The following SPEF2 variants were observed in gnomAD, a reference collection of about 807,000 sequenced individuals.
The protein encoded by SPEF2 is sperm flagellar and cilia associated 2, also known as sperm flagella and cilia-associated protein 2.
In SPEF2, 187 loss-of-function variants were observed where a neutral mutation model predicts 224.6. That is an observed-to-expected ratio of 0.83 (90% CI 0.74 to 0.94). SPEF2 has a LOEUF of 0.94. Ranked by LOEUF, SPEF2 falls within the 40% of genes least tolerant of loss-of-function variation. The pLI, the probability that SPEF2 is intolerant of heterozygous loss-of-function variation, is 0.00. For missense variants in SPEF2, 2,170 were observed against 2,135.6 expected (o/e 1.02, Z -0.32); for synonymous variants, 715 against 707.3 (o/e 1.01, Z -0.17).
At chr5:35,673,844 CAT>C (rs371321625) in intron 10 of SPEF2, among the ~76,000 whole-genome samples, 202 of 152,304 alleles carry the variant, frequency 1.3e-3, no homozygotes, top group African/African-American at 4.6e-3. Context: ...TATGGTTTAA[CAT>C]GTGTACGCCT....
chr5:35,769,611 G>A (rs1211993183), intron 26 of SPEF2, among the ~76,000 whole-genome samples: 1 of 152,156 alleles, frequency 6.6e-6, no homozygotes, highest in African/African-American at 2.4e-5. Context: ...TCAAAGCTGT[G>A]AAGAATACAA....
Position 35,806,009 on chromosome 5 carries a change from G to A in SPEF2, c.5011-698G>A, listed in dbSNP as rs566336189. On this transcript the variant is annotated intron_variant, in intron 34 of 36. Transcript: ENST00000356031. ...ACTGAATGAACAGCCATATACAAAC[G>A]TATTTGGGCAAATGAATATTTCTTC... Among the ~76,000 whole-genome samples, 5 of 152,202 alleles carry A rather than the reference G, an allele frequency of 3.3e-5. No individual in the cohort carries two copies. In the East Asian group the frequency reaches 9.6e-4, roughly 29 times the overall value.
chr5:35,663,009 A>G (rs992998466), intron 8 of SPEF2, among the ~76,000 whole-genome samples: 1 of 152,138 alleles, frequency 6.6e-6, no homozygotes, highest in African/African-American at 2.4e-5. Flanking sequence ...TAATATTTGT[A>G]TTACTTATTT....
chr5:35,766,232 G>A (rs1467856434), intron 26 of SPEF2, among the ~76,000 whole-genome samples: 1 of 152,032 alleles, frequency 6.6e-6, no homozygotes, highest in Non-Finnish European at 1.5e-5. Flanking sequence ...ATGTTTGGTA[G>A]CATTCACTAA....
At position 35,691,174 on chromosome 5, in the gene SPEF2, A is replaced by G. The variant is rs759282562; in HGVS notation, c.1662A>G (p.Glu554=). The G allele has an allele frequency of 5.6e-6, 9 of 1,613,942 alleles. No individual in the cohort carries two copies. Among genetic ancestry groups the G allele is most frequent in the Non-Finnish European group, 7.6e-6 (9 of 1,179,996 alleles). ...CTCGAGCGGAATCAACAACACCTGAATTACCTTCATTTGCTGTTAAAGGAT... is the reference window on the plus strand; with the variant it reads ...CTCGAGCGGAATCAACAACACCTGAGTTACCTTCATTTGCTGTTAAAGGAT... ...LPPRAESTTP[E]LPSFAVKGCL... Residue 554 remains glutamate, a synonymous_variant, in exon 11 of 37, where the codon GAA becomes GAG. Transcript: ENST00000356031.
intron 20 of SPEF2, among the ~76,000 whole-genome samples, chr5:35,726,912 G>A (rs986421674): frequency 2.0e-5 from 3 of 152,136 alleles, no homozygotes; most frequent in Non-Finnish European, 4.4e-5. Flanking sequence ...ATCAGGGAAA[G>A]TGAAGTGAAT....
chr5:35,656,610 T>A (rs1748986610), intron 7 of SPEF2, among the ~76,000 whole-genome samples: 1 of 152,118 alleles, frequency 6.6e-6, no homozygotes, highest in Non-Finnish European at 1.5e-5. Context: ...GGCTGCAAGG[T>A]TTTTTCTCAC....
At chr5:35,652,204 GT>G (rs1184616274) in intron 6 of SPEF2, among the ~76,000 whole-genome samples, 4 of 151,832 alleles carry the variant, frequency 2.6e-5, no homozygotes, top group Non-Finnish European at 5.9e-5. Flanking sequence ...ATAATGTGTA[GT>G]TTTTTTTCAC....
intron 2 of SPEF2, 22 bp downstream of exon 2, chr5:35,628,584 T>G (rs771774893): frequency 1.0e-5 from 15 of 1,467,492 alleles, no homozygotes. Context: ...TATTCCTTTT[T>G]GTTGTTGTTG....
Position 35,688,452 on chromosome 5 carries a change from T to A in SPEF2, c.1525-2585T>A, listed in dbSNP as rs1308185507. Among the ~76,000 whole-genome samples the A allele has an allele frequency of 2.6e-5, 4 of 152,240 alleles. No individual in the cohort carries two copies. In the East Asian group the frequency reaches 7.7e-4, roughly 29 times the overall value. On this transcript the variant is annotated intron_variant, in intron 10 of 36. Coordinates refer to ENST00000356031, the MANE Select transcript of SPEF2 (RefSeq NM_024867.4). ...TGTTTTATTTTGTTTATTTTTCTTG[T>A]ATTTTTCAAATCAGAAATAAATGTT...
intron 30 of SPEF2, chr5:35,790,421 A>G (rs1449712693): frequency 1.1e-5 from 5 of 437,560 alleles, no homozygotes; most frequent in Non-Finnish European, 2.0e-5. Flanking sequence ...GCTCTTTTGC[A>G]TAGTAAAAAA....
At chr5:35,748,100 G>A (rs186689162) in intron 23 of SPEF2, among the ~76,000 whole-genome samples, 6 of 152,114 alleles carry the variant, frequency 3.9e-5, no homozygotes, top group East Asian at 1.9e-4. Flanking sequence ...GATCAAAAAC[G>A]AAATCAAGAT....
intron 5 of SPEF2, among the ~76,000 whole-genome samples, chr5:35,647,384 C>G (rs1343621248): frequency 1.3e-5 from 2 of 151,764 alleles, no homozygotes; most frequent in East Asian, 1.9e-4. Context: ...ACAACCAGCT[C>G]TCATGGGAAT....
intron 7 of SPEF2, among the ~76,000 whole-genome samples, chr5:35,656,835 G>C (rs1042265827): frequency 2.0e-5 from 3 of 152,198 alleles, no homozygotes; most frequent in African/African-American, 7.2e-5. Context: ...ACCTCATCTT[G>C]TGCTGCTGCT....
intron 30 of SPEF2, among the ~76,000 whole-genome samples, chr5:35,787,637 C>A (rs924660782): frequency 1.3e-5 from 2 of 152,100 alleles, no homozygotes; most frequent in Non-Finnish European, 1.5e-5. Flanking sequence ...ATCCATGCAA[C>A]GGTGATAATA....
chr5:35,750,058 C>T (rs2149715330), intron 23 of SPEF2, among the ~76,000 whole-genome samples: 1 of 152,236 alleles, frequency 6.6e-6, no homozygotes, highest in African/African-American at 2.4e-5. Context: ...CAAATACCTA[C>T]AGCCAACTGA....
rs565978544 is a variant in SPEF2 at position 35,662,682 on chromosome 5, G to T, written c.1167+3475G>T. ...TATCCCAGCACCATCTATCAAATAG[G>T]AAATCCTTTCCCCATTGCTTGTGTT... On this transcript the variant is annotated intron_variant, in intron 8 of 36. Coordinates refer to ENST00000356031, the MANE Select transcript of SPEF2 (RefSeq NM_024867.4). Among the ~76,000 whole-genome samples, 8 of 152,256 alleles carry T rather than the reference G, an allele frequency of 5.3e-5. No individual in the cohort carries two copies. In the East Asian group the frequency reaches 1.5e-3, roughly 29 times the overall value.
At position 35,793,317 on chromosome 5, in the gene SPEF2, C is replaced by G. The variant is rs1442233392; in HGVS notation, c.4713C>G (p.Thr1571=). The change falls in exon 32 of 37, where the codon ACC becomes ACG. Residue 1571 remains threonine (T), a synonymous_variant. Transcript: ENST00000356031. ...CTGTGGATAAGGAGCAGTTGGGCAC[C>G]ATCACTTTTGAGCAGTATATGCAGG... is the stretch of plus-strand genomic sequence containing the variant. ...FKAVDKEQLG[T]ITFEQYMQAG... The G allele has an allele frequency of 1.2e-6, 2 of 1,613,806 alleles. No individual in the cohort carries two copies. The highest frequency in any genetic ancestry group is 1.1e-5 in the South Asian group (1 of 91,016).
At chr5:35,800,596 C>G (rs1053544300) in intron 34 of SPEF2, among the ~76,000 whole-genome samples, 1 of 152,204 alleles carries the variant, frequency 6.6e-6, no homozygotes, top group Non-Finnish European at 1.5e-5. Flanking sequence ...CATTTCATAT[C>G]ACCTGTGTCC....
Sources: gnomAD v4.1 joint callset for allele counts (sites outside exome capture counted in the v4.1 genomes callset) on GRCh38, gnomAD v4.1.1 for gene constraint, MANE v1.5 for transcripts, NCBI Gene and HGNC (gene_info 2026-07-23, HGNC 2026-07-21) for gene names.